STPG2: variants seen among roughly 807,000 people sequenced by gnomAD.
STPG2 encodes sperm tail PG-rich repeat containing 2.
STPG2 carries 56 observed loss-of-function variants against 54.2 expected under a neutral mutation model. The observed-to-expected ratio is 1.03, with a 90% CI of 0.83 to 1.29. STPG2 has a LOEUF of 1.29. Among genes scored for constraint, STPG2 ranks in the 50% most tolerant of loss-of-function variants. The probability of loss-of-function intolerance (pLI) is 0.00; values close to 1 mark genes in which losing one functional copy is unlikely to be tolerated. For missense variants in STPG2, 596 were observed against 544.9 expected, an observed-to-expected ratio of 1.09 and a Z score of -0.93; for synonymous variants, 200 against 181.8, an observed-to-expected ratio of 1.10 and a Z score of -0.81.
At chr4:97,922,650 C>G (rs151135849) in intron 8 of STPG2, among the ~76,000 whole-genome samples, 17 of 152,370 alleles carry the variant, frequency 1.1e-4, no homozygotes, top group African/African-American at 4.1e-4. Flanking sequence ...ACCTAGGAAT[C>G]TGCAAACCAT....
chr4:97,775,620 G>T (rs912026299), intron 9 of STPG2, among the ~76,000 whole-genome samples: 6 of 152,046 alleles, frequency 3.9e-5, no homozygotes, highest in African/African-American at 1.4e-4. Context: ...TTGTTAGTTG[G>T]AGGACCAGCC....
At chr4:97,943,263 A>T (rs185166563) in intron 8 of STPG2, among the ~76,000 whole-genome samples, 1 of 152,166 alleles carries the variant, frequency 6.6e-6, no homozygotes, top group Non-Finnish European at 1.5e-5. Flanking sequence ...GGATTTCAAC[A>T]TATGAATTTT....
intron 10 of STPG2, among the ~76,000 whole-genome samples, chr4:97,693,425 T>G (rs999352723): frequency 1.3e-5 from 2 of 151,882 alleles, no homozygotes; most frequent in Admixed American, 1.3e-4. Flanking sequence ...AGAAACACAG[T>G]TAAAAAAGAC....
At chr4:97,957,452 ATAAT>A (rs1004971694) in intron 7 of STPG2, among the ~76,000 whole-genome samples, 3 of 152,074 alleles carry the variant, frequency 2.0e-5, no homozygotes, top group Non-Finnish European at 4.4e-5. Context: ...AAACCTAAGA[ATAAT>A]TGAGAAAGAA....
At chr4:97,880,542 G>T (rs559812052) in intron 8 of STPG2, among the ~76,000 whole-genome samples, 1 of 151,842 alleles carries the variant, frequency 6.6e-6, no homozygotes, top group African/African-American at 2.4e-5. Flanking sequence ...CAATATAACT[G>T]GAACACTAGG....
chr4:97,564,811 T>C lies in STPG2; in HGVS notation c.1321-5694A>G, dbSNP rs542176708. Among the ~76,000 whole-genome samples the C allele has an allele frequency of 3.9e-5, 6 of 152,366 alleles. No individual in the cohort carries two copies. In the East Asian group the frequency reaches 1.2e-3, roughly 29 times the overall value. On this transcript the variant is annotated intron_variant, in intron 10 of 10. Transcript: ENST00000295268. ...TTTCTGCCGAGAGATCCATGGTTAG[T>C]CTGATGGGCTTCCCTTTGTGAGTAA...
intron 7 of STPG2, among the ~76,000 whole-genome samples, chr4:97,964,963 A>G (rs1472179659): frequency 6.6e-6 from 1 of 152,134 alleles, no homozygotes; most frequent in Non-Finnish European, 1.5e-5. Flanking sequence ...CAACTGAGGC[A>G]CCTGGTTCAT....
chr4:97,905,103 G>A (rs1335433499), intron 8 of STPG2, among the ~76,000 whole-genome samples: 1 of 151,822 alleles, frequency 6.6e-6, no homozygotes, highest in East Asian at 1.9e-4. Context: ...GAAGTACAGA[G>A]AACGCCACAA....
At chr4:97,946,943 T>A (rs1361528534) in intron 7 of STPG2, among the ~76,000 whole-genome samples, 1 of 152,144 alleles carries the variant, frequency 6.6e-6, no homozygotes, top group Non-Finnish European at 1.5e-5. Flanking sequence ...ATGCTGGTAT[T>A]TTGATAGGAA....
chr4:97,581,697 A>G (rs1732867235), intron 10 of STPG2, among the ~76,000 whole-genome samples: 1 of 152,092 alleles, frequency 6.6e-6, no homozygotes, highest in Non-Finnish European at 1.5e-5. Flanking sequence ...GTCAAACACA[A>G]ATGGGACAGG....
intron 10 of STPG2, among the ~76,000 whole-genome samples, chr4:97,655,863 G>T (rs1011891199): frequency 1.3e-5 from 2 of 152,032 alleles, no homozygotes; most frequent in African/African-American, 4.8e-5. Flanking sequence ...ACACTTTTAA[G>T]ACCAAGTAGT....
chr4:98,033,273 T>C (rs1437881312), intron 5 of STPG2, among the ~76,000 whole-genome samples: 1 of 151,668 alleles, frequency 6.6e-6, no homozygotes, highest in Non-Finnish European at 1.5e-5. Flanking sequence ...AAAGGGGATA[T>C]CACCACCAAT....
At chr4:97,641,490 A>C (rs1560699522) in intron 10 of STPG2, among the ~76,000 whole-genome samples, 1 of 151,486 alleles carries the variant, frequency 6.6e-6, no homozygotes, top group Admixed American at 6.6e-5. Context: ...GTTCTATTTT[A>C]GTTATTTCTA....
intron 10 of STPG2, among the ~76,000 whole-genome samples, chr4:97,640,668 A>T (rs1343589800): frequency 3.3e-5 from 5 of 151,740 alleles, no homozygotes; most frequent in Admixed American, 2.6e-4. Flanking sequence ...ACACAAAAAT[A>T]TTCAAAAGGT....
chr4:97,717,188 A>T (rs1724316094), intron 9 of STPG2, among the ~76,000 whole-genome samples: 1 of 152,178 alleles, frequency 6.6e-6, no homozygotes, highest in South Asian at 2.1e-4. Context: ...TAAGAGAAAA[A>T]AGAGTCCCAA....
At chr4:97,874,706 T>C (rs916387605) in intron 8 of STPG2, among the ~76,000 whole-genome samples, 4 of 151,836 alleles carry the variant, frequency 2.6e-5, no homozygotes, top group Non-Finnish European at 4.4e-5. Context: ...ATGTATATCC[T>C]ATGGACTCAA....
chr4:97,832,449 C>T (rs1728498512), intron 9 of STPG2, among the ~76,000 whole-genome samples: 1 of 152,152 alleles, frequency 6.6e-6, no homozygotes, highest in Non-Finnish European at 1.5e-5. Flanking sequence ...CCTTTGAAAA[C>T]TGGCATAAGG....
chr4:98,128,422 A>G lies in STPG2; in HGVS notation c.387+6T>C. The G allele has an allele frequency of 6.3e-7, 1 of 1,586,126 alleles. No homozygotes were observed. The highest frequency in any genetic ancestry group is 8.5e-7 in the Non-Finnish European group (1 of 1,170,434). On this transcript the variant is annotated splice_donor_region_variant and intron_variant, in intron 3 of 10. Transcript: ENST00000295268. ...CAATTGTCAATATGAAATACATTAT[A>G]CTTACAAATTGAGGTTTGTAGTATG...
intron 4 of STPG2, among the ~76,000 whole-genome samples, chr4:97,518,405 A>G (rs1469159232): frequency 6.6e-6 from 1 of 152,110 alleles, no homozygotes; most frequent in Non-Finnish European, 1.5e-5. Flanking sequence ...ACATTCAAGT[A>G]TTCATTTTCT....
Sources: gnomAD v4.1 joint callset for allele counts (sites outside exome capture counted in the v4.1 genomes callset) on GRCh38, gnomAD v4.1.1 for gene constraint, MANE v1.5 for transcripts, NCBI Gene and HGNC (gene_info 2026-07-23, HGNC 2026-07-21) for gene names.